Variants in BLOC1S6 observed in about 807,000 individuals in gnomAD.
The protein encoded by BLOC1S6 is biogenesis of lysosomal organelles complex 1 subunit 6.
In BLOC1S6, 24 loss-of-function variants were observed where a neutral mutation model predicts 24.7. That is an observed-to-expected ratio of 0.97 (90% CI 0.70 to 1.37). BLOC1S6 has a LOEUF of 1.37. BLOC1S6 is among the 40% of genes most tolerant of loss of function. BLOC1S6 has a pLI of 0.00. For missense variants in BLOC1S6, 175 were observed against 196.2 expected (o/e 0.89, Z 0.64); for synonymous variants, 76 against 72.6 (o/e 1.05, Z -0.23).
chr15:45,599,928 A>T (rs971047027), intron 2 of BLOC1S6, among the ~76,000 whole-genome samples: 1 of 147,940 alleles, frequency 6.8e-6, no homozygotes, highest in Non-Finnish European at 1.5e-5. Flanking sequence ...CTTGGAACCA[A>T]CCCAAATGTC....
Position 45,606,560 on chromosome 15 carries a change from A to G in BLOC1S6, c.*46A>G. 1 of 1,613,942 alleles carries G rather than the reference A, an allele frequency of 6.2e-7. No individual in the cohort carries two copies. Among genetic ancestry groups the G allele is most frequent in the South Asian group, 1.1e-5 (1 of 91,084 alleles). On this transcript the variant is annotated 3_prime_UTR_variant, in exon 5 of 5. Coordinates refer to ENST00000220531, the MANE Select transcript of BLOC1S6 (RefSeq NM_012388.4). ...TCTTCTCCTGTCCCATATTTGGGTT[A>G]TGATGACTCAAGTGTAGACTGAAGT...
At chr15:45,590,690 G>A (rs927439412) in intron 1 of BLOC1S6, among the ~76,000 whole-genome samples, 5 of 152,140 alleles carry the variant, frequency 3.3e-5, no homozygotes, top group Non-Finnish European at 7.3e-5. Context: ...TTACAGGCAT[G>A]AGCCACTGTG....
At chr15:45,594,532 G>A (rs552923287) in intron 2 of BLOC1S6, among the ~76,000 whole-genome samples, 69 of 152,216 alleles carry the variant, frequency 4.5e-4, no homozygotes, top group African/African-American at 1.7e-3. Flanking sequence ...ATTATACAAA[G>A]CTTCAAGGGA....
At position 45,594,750 on chromosome 15, in the gene BLOC1S6, A is replaced by AT. The variant is rs758146932; in HGVS notation, c.224+2481dup. Reference sequence around the variant, plus strand: ...AAGCGCGCACCACTCCGCCCAGCTAATTTTTTTGTATTTTTAGTAGAGATG... The same window carrying AT: ...AAGCGCGCACCACTCCGCCCAGCTAATTTTTTTTGTATTTTTAGTAGAGATG... On this transcript the variant is annotated intron_variant, in intron 2 of 4. Coordinates refer to ENST00000220531, the MANE Select transcript of BLOC1S6 (RefSeq NM_012388.4). Among the ~76,000 whole-genome samples the AT allele has an allele frequency of 3.3e-5, 5 of 151,884 alleles. No individual in the cohort carries two copies. The East Asian group carries it at 7.7e-4, about 24-fold the overall frequency.
chr15:45,592,716 C>T (rs1883835662), intron 2 of BLOC1S6, among the ~76,000 whole-genome samples: 1 of 152,100 alleles, frequency 6.6e-6, no homozygotes, highest in Admixed American at 6.5e-5. Flanking sequence ...GTTTCATTCC[C>T]AGTAGATAAC....
rs1255019451 is a variant in BLOC1S6, at chr15:45,606,387, T to TA, written c.400-6dup. 6 of 1,613,342 alleles carry TA rather than the reference T, an allele frequency of 3.7e-6. No homozygotes were observed. Among genetic ancestry groups the TA allele is most frequent in the Non-Finnish European group, 5.1e-6 (6 of 1,180,028 alleles). On this transcript the variant is annotated splice_region_variant and splice_polypyrimidine_tract_variant and intron_variant, in intron 4 of 4. Coordinates refer to ENST00000220531, the MANE Select transcript of BLOC1S6 (RefSeq NM_012388.4). ...TCTCTTGGTTTTTAAATTTTTTTTT[T>TA]AACACAGAAAAGAGCACTTAAACTG...
rs1238609623 is a variant in BLOC1S6, at chr15:45,592,201, A to G, written c.149A>G (p.Glu50Gly). The change falls in exon 2 of 5, where the codon GAG (glutamate) becomes GGG (glycine). Residue 50 changes from glutamate (E) to glycine (G), a missense_variant. Coordinates refer to ENST00000220531, the MANE Select transcript of BLOC1S6 (RefSeq NM_012388.4). ...TTGACTATAGAAGACAAAGCAGTGG[A>G]GCAACTGGCAGAAGGATTGCTTTCT... The part of the protein sequence containing the change: ...EDLTIEDKAV[E>G]QLAEGLLSHY... The G allele has an allele frequency of 6.2e-7, 1 of 1,614,060 alleles. No homozygotes were observed. Among genetic ancestry groups the G allele is most frequent in the Non-Finnish European group, 8.5e-7 (1 of 1,180,042 alleles).
chr15:45,609,490 T>C lies in BLOC1S6; in HGVS notation c.*2976T>C, dbSNP rs1006752445. ...TTGTTTTGAAATTATATCACCTGTG[T>C]TCTGAACTAAAATGATGGGAGTTCA... On this transcript the variant is annotated 3_prime_UTR_variant, in exon 5 of 5. Coordinates refer to ENST00000220531, the MANE Select transcript of BLOC1S6 (RefSeq NM_012388.4). The C allele has an allele frequency of 6.6e-6, 1 of 152,252 alleles. No individual in the cohort carries two copies. Among genetic ancestry groups the C allele is most frequent in the Non-Finnish European group, 1.5e-5 (1 of 68,040 alleles). 9.4% of individuals were successfully genotyped at this position (152,252 alleles called of 1,614,324 possible). A position where few individuals can be genotyped will look rare whatever the true frequency, so the allele number is the denominator to read the frequency against.
chr15:45,603,051 G>T, intron 2 of BLOC1S6, 49 bp from the exon 3 acceptor site: 1 of 1,253,302 alleles, frequency 8.0e-7, no homozygotes, highest in South Asian at 1.2e-5. Flanking sequence ...TTAATGGACC[G>T]GCACTTTAAA....
rs1487285822 is a variant in BLOC1S6 at position 45,607,815 on chromosome 15, A to G, written c.*1301A>G. On this transcript the variant is annotated 3_prime_UTR_variant, in exon 5 of 5. Transcript: ENST00000220531. ...AATTTCTTGAAGTGGAATGATGTACACCAAATACCCACTTTATAGATAATT... is the reference window on the plus strand; with the variant it reads ...AATTTCTTGAAGTGGAATGATGTACGCCAAATACCCACTTTATAGATAATT... The G allele has an allele frequency of 6.6e-6, 1 of 152,210 alleles. No homozygotes were observed. The highest frequency in any genetic ancestry group is 2.4e-5 in the African/African-American group (1 of 41,464). The allele number at this position is 152,210 out of a possible 1,614,324, so 9.4% of individuals were successfully genotyped here. A position where few individuals can be genotyped will look rare whatever the true frequency, so the allele number is the denominator to read the frequency against.
At chr15:45,593,096 A>G (rs1266896415) in intron 2 of BLOC1S6, among the ~76,000 whole-genome samples, 1 of 152,152 alleles carries the variant, frequency 6.6e-6, no homozygotes, top group Non-Finnish European at 1.5e-5. Flanking sequence ...CTAAATGCAT[A>G]TAAAAGTGGT....
chr15:45,590,156 C>A (rs570551670), intron 1 of BLOC1S6, among the ~76,000 whole-genome samples: 1 of 151,972 alleles, frequency 6.6e-6, no homozygotes, highest in South Asian at 2.1e-4. Flanking sequence ...ACATTAATAT[C>A]CCTAAGTGCT....
Position 45,606,618 on chromosome 15 carries a change from T to C in BLOC1S6, c.*104T>C, listed in dbSNP as rs1894474770. The C allele has an allele frequency of 4.7e-6, 7 of 1,498,188 alleles. No individual in the cohort carries two copies. The highest frequency in any genetic ancestry group is 6.5e-6 in the Non-Finnish European group (7 of 1,077,404). The allele number at this position is 1,498,188 out of a possible 1,614,324, so 92.8% of individuals were successfully genotyped here. ...GTGCCTTATGCCATTATGTCATATG[T>C]TGAAATCCTTATTCCGGTATTACTG... is the stretch of plus-strand genomic sequence containing the variant. On this transcript the variant is annotated 3_prime_UTR_variant, in exon 5 of 5. Transcript: ENST00000220531.
chr15:45,596,742 G>A (rs973260370), intron 2 of BLOC1S6, among the ~76,000 whole-genome samples: 12 of 151,504 alleles, frequency 7.9e-5, no homozygotes, highest in African/African-American at 1.9e-4. Flanking sequence ...GCAGTGGGGC[G>A]ATCTCAGCTC....
At chr15:45,600,272 G>A (rs1894226144) in intron 2 of BLOC1S6, among the ~76,000 whole-genome samples, 3 of 151,380 alleles carry the variant, frequency 2.0e-5, no homozygotes, top group South Asian at 2.1e-4. Flanking sequence ...CATGGCACAT[G>A]TATACATACG....
intron 3 of BLOC1S6, among the ~76,000 whole-genome samples, chr15:45,605,097 T>G (rs1894401572): frequency 1.3e-5 from 2 of 152,360 alleles, no homozygotes; most frequent in South Asian, 2.1e-4. Flanking sequence ...TTACTTTTCT[T>G]AAATGAAACT....
chr15:45,595,910 C>T lies in BLOC1S6; in HGVS notation c.224+3634C>T, dbSNP rs536659448. Reference sequence around the variant, plus strand: ...ACAACGTCTGCCTCCTGGGTTCAAGCGATTCTCCTGACTCAGCCTCCTGAG... The same window carrying T: ...ACAACGTCTGCCTCCTGGGTTCAAGTGATTCTCCTGACTCAGCCTCCTGAG... On this transcript the variant is annotated intron_variant, in intron 2 of 4. Transcript: ENST00000220531. Among the ~76,000 whole-genome samples the T allele has an allele frequency of 1.1e-4, 17 of 151,946 alleles. No homozygotes were observed. The East Asian group carries it at 2.1e-3, about 19-fold the overall frequency.
chr15:45,587,871 A>G, intron 1 of BLOC1S6: 1 of 661,740 alleles, frequency 1.5e-6, no homozygotes, highest in Non-Finnish European at 2.7e-6. Flanking sequence ...CTTATAATTC[A>G]GAGAGGTGAC....
intron 1 of BLOC1S6, among the ~76,000 whole-genome samples, chr15:45,589,676 A>C (rs1419598052): frequency 6.6e-6 from 1 of 152,218 alleles, no homozygotes; most frequent in Non-Finnish European, 1.5e-5. Context: ...AACCTGGTAC[A>C]TAATATAGAT....
Sources: allele counts gnomAD v4.1 joint callset (sites outside exome capture counted in the v4.1 genomes callset), GRCh38; gene constraint gnomAD v4.1.1; transcripts MANE v1.5; gene names NCBI Gene and HGNC (gene_info 2026-07-23, HGNC 2026-07-21).